WNK1: variants seen among roughly 807,000 people sequenced by gnomAD.
WNK1 encodes WNK lysine deficient protein kinase 1, also known as serine/threonine-protein kinase WNK1.
WNK1 carries 38 observed loss-of-function variants against 222.8 expected under a neutral mutation model. That is an observed-to-expected ratio of 0.17 (90% CI 0.13 to 0.22). WNK1 has a LOEUF of 0.22. Among genes scored for constraint, WNK1 ranks in the 10% least tolerant of loss-of-function variants. The pLI is 1.00. For missense variants in WNK1, 2,348 were observed against 2,918.4 expected (o/e 0.80, Z 4.50); for synonymous variants, 1,090 against 1,092.9 (o/e 1.00, Z 0.05).
chr12:753,927 G>A lies in WNK1; in HGVS notation c.362G>A (p.Arg121Gln). 2 of 1,606,568 alleles carry A rather than the reference G, an allele frequency of 1.2e-6. No individual in the cohort carries two copies. The highest frequency in any genetic ancestry group is 4.5e-5 in the East Asian group (2 of 44,670). Residue 121 changes from arginine to glutamine, a missense_variant, in exon 1 of 28, where the codon CGG becomes CAG. Coordinates refer to ENST00000315939, the MANE Select transcript of WNK1 (RefSeq NM_018979.4). The surrounding 1 kb of genome is among the most constrained non-coding windows in gnomAD (Gnocchi z 5.2). Reference sequence around the variant, plus strand: ...CAGAGTGCTCCACCGGAGCCCCACCGGGAAGAGACCGTGACCGCCACCGCC... The same window carrying A: ...CAGAGTGCTCCACCGGAGCCCCACCAGGAAGAGACCGTGACCGCCACCGCC... The part of the protein sequence containing the change: ...VPQSAPPEPH[R>Q]EETVTATATS...
In WNK1 at chr12:880,821, C is replaced by T; in HGVS notation, c.2933C>T (p.Pro978Leu). The change falls in exon 12 of 28, where the codon CCT (proline) becomes CTT (leucine). Residue 978 changes from proline to leucine, a missense_variant. Around this residue, in one of 13 missense-constraint regions of WNK1, gnomAD observed 547 missense variants for 558.3 expected, o/e 0.98. Transcript: ENST00000315939. The stretch of plus-strand genomic sequence containing the variant: ...TGCATCCATTCTACAGTCCTATCCC[C>T]TCCCATGCCGACAGAAGTACTGGCT... ...SVCIHSTVLS[P>L]PMPTEVLATP... 1.2e-6 allele frequency: 2 copies of T among 1,614,070 alleles called. No homozygotes were observed. Among genetic ancestry groups the T allele is most frequent in the South Asian group, 1.1e-5 (1 of 91,076 alleles).
At chr12:865,807 T>A (rs61919870) in intron 8 of WNK1, among the ~76,000 whole-genome samples, 6 of 152,014 alleles carry the variant, frequency 3.9e-5, no homozygotes, top group East Asian at 3.8e-4. Context: ...TTTTTTTTTT[T>A]AATAACCTTA....
At chr12:833,804 T>C (rs866604033) in intron 4 of WNK1, among the ~76,000 whole-genome samples, 1 of 152,186 alleles carries the variant, frequency 6.6e-6, no homozygotes, top group African/African-American at 2.4e-5. Flanking sequence ...CTATCCTAAA[T>C]ACAAAATAAA....
In WNK1 at chr12:910,433, CAAAT is replaced by C; in HGVS notation, c.*1648_*1651del. 6.6e-6 allele frequency: 1 copy of C among 152,252 alleles called. No homozygotes were observed. Among genetic ancestry groups the C allele is most frequent in the Non-Finnish European group, 1.5e-5 (1 of 68,022 alleles). 9.4% of individuals were successfully genotyped at this position (152,252 alleles called of 1,614,324 possible). A position where few individuals can be genotyped will look rare whatever the true frequency, so the allele number is the denominator to read the frequency against. ...AGTACAACTAATATGTTCACATTTT[CAAAT>C]AAATAATACTCCCCGTAAGTAATAA... On this transcript the variant is annotated 3_prime_UTR_variant, in exon 28 of 28. Transcript: ENST00000315939.
intron 15 of WNK1, 122 bp from the exon 16 acceptor site, chr12:883,273 G>T (rs1953344250): frequency 1.6e-6 from 2 of 1,219,924 alleles, no homozygotes; most frequent in Admixed American, 4.0e-5. Flanking sequence ...AAAGAGAAGA[G>T]CTAACTTGAG....
chr12:836,162 C>T (rs1317553301), intron 4 of WNK1, among the ~76,000 whole-genome samples: 2 of 151,884 alleles, frequency 1.3e-5, no homozygotes, highest in Non-Finnish European at 2.9e-5. Flanking sequence ...GAAATATAAG[C>T]CAGTAGATTC....
At chr12:755,409 C>T (rs568075273) in intron 1 of WNK1, among the ~76,000 whole-genome samples, 1 of 152,272 alleles carries the variant, frequency 6.6e-6, no homozygotes, top group African/African-American at 2.4e-5. Flanking sequence ...TATGTTAACA[C>T]GTAACCCTTT....
intron 3 of WNK1, among the ~76,000 whole-genome samples, chr12:829,769 A>G (rs1330618972): frequency 6.6e-6 from 1 of 152,222 alleles, no homozygotes; most frequent in East Asian, 1.9e-4. Context: ...CAATAAATAG[A>G]TCCTTGACCT....
intron 1 of WNK1, among the ~76,000 whole-genome samples, chr12:771,036 C>T (rs542418799): frequency 1.1e-4 from 17 of 152,138 alleles, no homozygotes; most frequent in Middle Eastern, 3.4e-3. Context: ...CGCTTTGTCT[C>T]GCCCAGGCTG....
At chr12:807,857 C>G (rs1324661774) in intron 1 of WNK1, among the ~76,000 whole-genome samples, 7 of 151,286 alleles carry the variant, frequency 4.6e-5, no homozygotes, top group Non-Finnish European at 8.8e-5. Context: ...GTAGCTGGGA[C>G]TACAGGCGCG....
intron 9 of WNK1, among the ~76,000 whole-genome samples, chr12:871,678 C>T (rs1266233638): frequency 1.3e-5 from 2 of 152,280 alleles, no homozygotes; most frequent in Non-Finnish European, 2.9e-5. Context: ...TCTTAGCTCA[C>T]TGCAACCACC....
chr12:771,565 G>A lies in WNK1; in HGVS notation c.759+17241G>A, dbSNP rs372359618. On this transcript the variant is annotated intron_variant, in intron 1 of 27. Coordinates refer to ENST00000315939, the MANE Select transcript of WNK1 (RefSeq NM_018979.4). ...TTCTCCTGACCCAGCCTCCTGAGTA[G>A]CTGGGATTACAGGGGTATGCCACCA... Among the ~76,000 whole-genome samples, 128 of 152,206 alleles carry A rather than the reference G, an allele frequency of 8.4e-4. 4 individuals are homozygous for A. In the South Asian group the frequency reaches 0.025, roughly 30 times the overall value.
At chr12:793,524 CA>C (rs1945034278) in intron 1 of WNK1, among the ~76,000 whole-genome samples, 1 of 151,996 alleles carries the variant, frequency 6.6e-6, no homozygotes, top group African/African-American at 2.4e-5. Flanking sequence ...TAACAGTTTT[CA>C]AAAGGATCAG....
At chr12:769,389 G>A (rs564226220) in intron 1 of WNK1, among the ~76,000 whole-genome samples, 2 of 151,996 alleles carry the variant, frequency 1.3e-5, no homozygotes, top group East Asian at 3.9e-4. Flanking sequence ...AGTAGAGACA[G>A]GTTTTGCCAT....
At chr12:861,936 C>A (rs529990780) in intron 7 of WNK1, 147 bp from the exon 8 acceptor site, 77 of 893,078 alleles carry the variant, frequency 8.6e-5, no homozygotes, top group Admixed American at 2.1e-5. Context: ...AATATGGCTA[C>A]AATTCATTTT....
chr12:868,928 C>A lies in WNK1; in HGVS notation c.2140-2337C>A. ...AGACCCCAGTGATTTTCAGTCACCT[C>A]CCCCTACAGGGGGAGCAGCTGCACC... On this transcript the variant is annotated intron_variant, in intron 8 of 27. Transcript: ENST00000315939. 1.9e-6 allele frequency: 3 copies of A among 1,593,480 alleles called. No individual in the cohort carries two copies. The highest frequency in any genetic ancestry group is 2.6e-6 in the Non-Finnish European group (3 of 1,169,074).
chr12:894,585 G>A lies in WNK1; in HGVS notation c.5533G>A (p.Val1845Ile), dbSNP rs986578207. 4 of 1,613,892 alleles carry A rather than the reference G, an allele frequency of 2.5e-6. No individual in the cohort carries two copies. Among genetic ancestry groups the A allele is most frequent in the Non-Finnish European group, 3.4e-6 (4 of 1,179,948 alleles). Residue 1845 changes from valine (V) to isoleucine (I), a missense_variant, in exon 23 of 28, where the codon GTC (valine) becomes ATC (isoleucine). Around this residue, in one of 13 missense-constraint regions of WNK1, gnomAD observed 1,144 missense variants for 1,273.6 expected, o/e 0.90. Coordinates refer to ENST00000315939, the MANE Select transcript of WNK1 (RefSeq NM_018979.4). Reference sequence around the variant, plus strand: ...AGTTTCTCAAGTCAAAGAAGGCCCTGTCCTAGCAACTAGTTCAGGAGCTGG... The same window carrying A: ...AGTTTCTCAAGTCAAAGAAGGCCCTATCCTAGCAACTAGTTCAGGAGCTGG... Reference protein sequence around the residue: ...KGVSQVKEGPVLATSSGAGVF... With the variant: ...KGVSQVKEGPILATSSGAGVF...
At chr12:902,605 CCTT>C (rs896063898) in intron 26 of WNK1, among the ~76,000 whole-genome samples, 31 of 152,166 alleles carry the variant, frequency 2.0e-4, no homozygotes, top group African/African-American at 7.2e-4. Context: ...TGAAAATTCT[CCTT>C]CTAACATGAT....
At chr12:779,872 T>C (rs1313195829) in intron 1 of WNK1, among the ~76,000 whole-genome samples, 5 of 152,188 alleles carry the variant, frequency 3.3e-5, no homozygotes, top group African/African-American at 1.2e-4. Flanking sequence ...TCAGCTTCCT[T>C]TTTCTCTTGC....
Sources: allele counts gnomAD v4.1 joint callset (sites outside exome capture counted in the v4.1 genomes callset), GRCh38; gene constraint gnomAD v4.1.1; regional missense constraint gnomAD v4.1.1; non-coding constraint Gnocchi (gnomAD v3.1); transcripts MANE v1.5; gene names NCBI Gene and HGNC (gene_info 2026-07-23, HGNC 2026-07-21).